Variants in GNG4 observed in about 807,000 individuals in gnomAD.
The protein encoded by GNG4 is G protein subunit gamma 4.
In GNG4, 4 loss-of-function variants were observed where a neutral mutation model predicts 5.8. The observed-to-expected ratio is 0.69, with a 90% confidence interval of 0.34 to 1.57. The LOEUF (loss-of-function observed/expected upper bound fraction) is 1.57. Ranked by LOEUF, GNG4 falls within the 40% of genes most tolerant of loss-of-function variation. The pLI is 0.06. For synonymous variants in GNG4, 29 were observed against 32.9 expected (o/e 0.88, Z 0.41); for missense variants, 96 against 95.1 (o/e 1.01, Z -0.04).
At chr1:235,577,840 C>T (rs1362758150) in intron 3 of GNG4, among the ~76,000 whole-genome samples, 1 of 152,124 alleles carries the variant, frequency 6.6e-6, no homozygotes, top group Admixed American at 6.6e-5. Context: ...GGGCTGCCCT[C>T]TGTCATTTCC....
In GNG4 at chr1:235,644,389, G is replaced by A. The variant is rs756327851; in HGVS notation, c.-123+5273C>T. On this transcript the variant is annotated intron_variant, in intron 1 of 3. Coordinates refer to ENST00000391854, the MANE Select transcript of GNG4 (RefSeq NM_001098722.2). The surrounding 1 kb of genome is among the most constrained non-coding windows in gnomAD (Gnocchi z 5.9). The stretch of plus-strand genomic sequence containing the variant: ...TCACATCCACCGAGCGACCCTCCTC[G>A]GCCACCTCCACACCCACACTCCAGG... Among the ~76,000 whole-genome samples the A allele has an allele frequency of 6.6e-6, 1 of 151,984 alleles. No individual in the cohort carries two copies.
intron 1 of GNG4, among the ~76,000 whole-genome samples, chr1:235,603,151 G>A (rs1030974229): frequency 6.6e-6 from 1 of 152,034 alleles, no homozygotes; most frequent in Non-Finnish European, 1.5e-5. Context: ...GCTAAGGCAG[G>A]AGAATCGCAT....
At chr1:235,650,444 T>G (rs1174390105), upstream of GNG4, 1 of 152,064 alleles carries the variant, frequency 6.6e-6, no homozygotes, top group East Asian at 1.9e-4. Flanking sequence ...CGGGGTGAGC[T>G]CCAGCGCCTG....
At chr1:235,589,608 A>G (rs1370417548) in intron 2 of GNG4, among the ~76,000 whole-genome samples, 1 of 152,210 alleles carries the variant, frequency 6.6e-6, no homozygotes, top group African/African-American at 2.4e-5. Flanking sequence ...CATTTGGTAT[A>G]GTTGTGAACC....
intron 2 of GNG4, among the ~76,000 whole-genome samples, chr1:235,590,046 C>T (rs538990393): frequency 6.6e-6 from 1 of 152,164 alleles, no homozygotes. Context: ...ACGTCTCTGG[C>T]GCTTTTCCTC....
chr1:235,604,974 C>T (rs967330867), intron 1 of GNG4, among the ~76,000 whole-genome samples: 2 of 152,048 alleles, frequency 1.3e-5, no homozygotes, highest in Non-Finnish European at 2.9e-5. Flanking sequence ...AACTGAGAAG[C>T]AGAATTTATA....
intron 2 of GNG4, among the ~76,000 whole-genome samples, chr1:235,593,801 G>A (rs916884297): frequency 3.4e-4 from 52 of 152,284 alleles, no homozygotes; most frequent in African/African-American, 1.2e-3. Flanking sequence ...CTGGCTTCAG[G>A]AGTGAAGCCG....
intron 1 of GNG4, among the ~76,000 whole-genome samples, chr1:235,645,399 C>T (rs1457048127): frequency 6.6e-6 from 1 of 152,206 alleles, no homozygotes; most frequent in East Asian, 1.9e-4. Flanking sequence ...TCAATTTTAC[C>T]TCTCTGTGTG....
intron 1 of GNG4, among the ~76,000 whole-genome samples, chr1:235,632,786 G>A (rs1007665330): frequency 1.3e-5 from 2 of 152,022 alleles, no homozygotes; most frequent in Non-Finnish European, 2.9e-5. Flanking sequence ...TTGAGATTAA[G>A]TAACAACTTA....
At chr1:235,567,418 T>G (rs185710055) in intron 3 of GNG4, among the ~76,000 whole-genome samples, 360 of 152,296 alleles carry the variant, frequency 2.4e-3, no homozygotes, top group Non-Finnish European at 3.9e-3. Flanking sequence ...ACCATCCGTC[T>G]CCAGAACTTG....
chr1:235,646,549 C>T (rs992241740), intron 1 of GNG4, among the ~76,000 whole-genome samples: 6 of 152,194 alleles, frequency 3.9e-5, no homozygotes, highest in Non-Finnish European at 7.3e-5. Context: ...TAGCCCTATC[C>T]GATCCTCGGA....
At chr1:235,592,116 C>T (rs923880360) in intron 2 of GNG4, among the ~76,000 whole-genome samples, 3 of 152,182 alleles carry the variant, frequency 2.0e-5, no homozygotes, top group African/African-American at 7.2e-5. Flanking sequence ...AGTTGTTTTT[C>T]AGAAACCCGG....
At chr1:235,622,317 A>G (rs1475407441) in intron 1 of GNG4, among the ~76,000 whole-genome samples, 1 of 152,222 alleles carries the variant, frequency 6.6e-6, no homozygotes, top group Non-Finnish European at 1.5e-5. Flanking sequence ...GAGTAGTGGT[A>G]TGAATCCTAA....
chr1:235,569,536 T>TG (rs563322531), intron 3 of GNG4, among the ~76,000 whole-genome samples: 54 of 152,012 alleles, frequency 3.6e-4, no homozygotes, highest in African/African-American at 1.1e-3. Context: ...TTCTTTTTTT[T>TG]TTGTTGTTTT....
chr1:235,593,397 C>T (rs185438991), intron 2 of GNG4, among the ~76,000 whole-genome samples: 1 of 152,320 alleles, frequency 6.6e-6, no homozygotes, highest in East Asian at 1.9e-4. Context: ...TTTCTGGAAG[C>T]CAAATGTCAT....
chr1:235,582,847 T>C (rs1487045729), intron 3 of GNG4, among the ~76,000 whole-genome samples: 1 of 152,048 alleles, frequency 6.6e-6, no homozygotes, highest in South Asian at 2.1e-4. Context: ...CTTGGAGAGG[T>C]TGTACCCCCA....
chr1:235,578,938 A>G (rs1160188549), intron 3 of GNG4, among the ~76,000 whole-genome samples: 2 of 152,066 alleles, frequency 1.3e-5, no homozygotes, highest in Admixed American at 1.3e-4. Flanking sequence ...CTCTACTAAT[A>G]ATACAAAAAT....
chr1:235,607,299 TAA>T (rs941251385), intron 1 of GNG4, among the ~76,000 whole-genome samples: 1 of 151,588 alleles, frequency 6.6e-6, no homozygotes, highest in Non-Finnish European at 1.5e-5. Flanking sequence ...TTTGTGGAGG[TAA>T]AAGATTACTT....
Position 235,551,909 on chromosome 1 carries a change from T to G in GNG4, c.*200A>C, listed in dbSNP as rs963496071. On this transcript the variant is annotated 3_prime_UTR_variant, in exon 4 of 4. Transcript: ENST00000391854. The stretch of plus-strand genomic sequence containing the variant: ...ACATTTTGATTTTCTTTGCCAATAA[T>G]GAAAATAACATGAAAATGAAAAGGA... 1.4e-5 allele frequency: 7 copies of G among 488,424 alleles called. No individual in the cohort carries two copies. The Admixed American group carries it at 2.1e-4, about 15-fold the overall frequency. 30.3% of individuals were successfully genotyped at this position (488,424 alleles called of 1,614,324 possible). A position where few individuals can be genotyped will look rare whatever the true frequency, so the allele number is the denominator to read the frequency against.
Sources: gnomAD v4.1 joint callset for allele counts (sites outside exome capture counted in the v4.1 genomes callset) on GRCh38, gnomAD v4.1.1 for gene constraint, Gnocchi (gnomAD v3.1) non-coding constraint, MANE v1.5 for transcripts, NCBI Gene and HGNC (gene_info 2026-07-23, HGNC 2026-07-21) for gene names.